The following CPEB3 variants were observed in gnomAD, a reference collection of about 807,000 sequenced individuals.
The protein encoded by CPEB3 is cytoplasmic polyadenylation element-binding protein 3.
Under a neutral mutation model 67.2 loss-of-function variants are expected in CPEB3, and 20 were observed. The ratio of observed to expected loss-of-function variants is 0.30; its 90% CI spans 0.21 to 0.43. The LOEUF (loss-of-function observed/expected upper bound fraction) is 0.43. Among genes scored for constraint, CPEB3 ranks in the 20% least tolerant of loss-of-function variants. The pLI is 1.00. For synonymous variants in CPEB3, 376 were observed against 393.1 expected (o/e 0.96, Z 0.51); for missense variants, 746 against 968.6 (o/e 0.77, Z 3.05).
chr10:92,211,235 T>G (rs936100791), intron 2 of CPEB3, among the ~76,000 whole-genome samples: 17 of 152,176 alleles, frequency 1.1e-4, no homozygotes, highest in Admixed American at 8.5e-4. Context: ...TTTAGAAAAT[T>G]TGATGAAACA....
chr10:92,179,748 C>T (rs1032707188), intron 4 of CPEB3, among the ~76,000 whole-genome samples: 1 of 152,212 alleles, frequency 6.6e-6, no homozygotes, highest in Non-Finnish European at 1.5e-5. Context: ...AGGCTTAGGA[C>T]CTGCATCATC....
intron 9 of CPEB3, among the ~76,000 whole-genome samples, chr10:92,072,435 G>C (rs1285147464): frequency 6.6e-6 from 1 of 152,144 alleles, no homozygotes; most frequent in South Asian, 2.1e-4. Flanking sequence ...GCCAGGCTCA[G>C]CAATAATACA....
intron 7 of CPEB3, among the ~76,000 whole-genome samples, chr10:92,103,874 C>G (rs1014542459): frequency 6.6e-6 from 1 of 152,168 alleles, no homozygotes; most frequent in African/African-American, 2.4e-5. Context: ...CTCCATGGTA[C>G]TAGGACAAGG....
chr10:92,246,580 C>T (rs1852079112), intron 1 of CPEB3, among the ~76,000 whole-genome samples: 1 of 150,950 alleles, frequency 6.6e-6, no homozygotes, highest in Non-Finnish European at 1.5e-5. Flanking sequence ...CAATCTCGGG[C>T]TCACTGCAAC....
rs188746025 is a variant in CPEB3, at chr10:92,102,094, C to A, written c.1572+8982G>T. ...TAATTTTGACCACATAGCTCCCTAA[C>A]AAATAGGTCAGCCAGTTTCAGGAGT... On this transcript the variant is annotated intron_variant, in intron 7 of 9. Coordinates refer to ENST00000265997, the MANE Select transcript of CPEB3 (RefSeq NM_014912.5). Among the ~76,000 whole-genome samples, 245 of 152,298 alleles carry A rather than the reference C, an allele frequency of 1.6e-3. 5 individuals are homozygous for A. The highest frequency in any genetic ancestry group is 0.015 in the Admixed American group (233 of 15,296).
intron 1 of CPEB3, among the ~76,000 whole-genome samples, chr10:92,284,789 T>C (rs1842455161): frequency 6.6e-6 from 1 of 152,170 alleles, no homozygotes; most frequent in Non-Finnish European, 1.5e-5. Context: ...AAAACTGTGC[T>C]TGTTTTTGCT....
chr10:92,080,647 G>A (rs1843112832), intron 9 of CPEB3, among the ~76,000 whole-genome samples: 1 of 151,860 alleles, frequency 6.6e-6, no homozygotes, highest in African/African-American at 2.4e-5. Context: ...AGGCTGGAGT[G>A]CAGTAGCACG....
intron 4 of CPEB3, among the ~76,000 whole-genome samples, chr10:92,174,246 A>T (rs1848128928): frequency 6.6e-6 from 1 of 152,176 alleles, no homozygotes; most frequent in Non-Finnish European, 1.5e-5. Context: ...AGAGGATAAA[A>T]GGGAGGGGGA....
intron 3 of CPEB3, among the ~76,000 whole-genome samples, chr10:92,183,949 A>T (rs1464361009): frequency 6.6e-6 from 1 of 152,166 alleles, no homozygotes; most frequent in Admixed American, 6.5e-5. Context: ...TGTTCCTATA[A>T]CTACTTAGTT....
At chr10:92,158,304 AC>A (rs1319200814) in intron 4 of CPEB3, among the ~76,000 whole-genome samples, 1 of 152,218 alleles carries the variant, frequency 6.6e-6, no homozygotes. Context: ...AGCCACTGGA[AC>A]AGATACAATG....
intron 4 of CPEB3, among the ~76,000 whole-genome samples, chr10:92,150,826 T>C (rs945654928): frequency 2.6e-5 from 4 of 152,142 alleles, no homozygotes; most frequent in Admixed American, 2.6e-4. Flanking sequence ...AAAAAATATA[T>C]TTCTATGTGA....
intron 2 of CPEB3, among the ~76,000 whole-genome samples, chr10:92,200,177 T>C (rs958201269): frequency 6.6e-6 from 1 of 152,208 alleles, no homozygotes; most frequent in African/African-American, 2.4e-5. Flanking sequence ...AATTTTAATA[T>C]TCTTTAAAAT....
chr10:92,258,766 T>C (rs1852656977), intron 1 of CPEB3, among the ~76,000 whole-genome samples: 1 of 150,498 alleles, frequency 6.6e-6, no homozygotes. Flanking sequence ...AAACAGAGTC[T>C]CTTGACTCAG....
At chr10:92,243,312 T>TG (rs1234017119) in intron 1 of CPEB3, 1 of 152,120 alleles carries the variant, frequency 6.6e-6, no homozygotes, top group Non-Finnish European at 1.5e-5. Context: ...CAGGGAACTG[T>TG]GGGGGCTGAA....
At chr10:92,181,928 T>G (rs1848479079) in intron 3 of CPEB3, among the ~76,000 whole-genome samples, 1 of 152,194 alleles carries the variant, frequency 6.6e-6, no homozygotes, top group Admixed American at 6.5e-5. Flanking sequence ...TTTTGTTATG[T>G]TTTCTTCATT....
intron 4 of CPEB3, among the ~76,000 whole-genome samples, chr10:92,156,746 C>A (rs1371877252): frequency 6.6e-6 from 1 of 151,810 alleles, no homozygotes; most frequent in Non-Finnish European, 1.5e-5. Flanking sequence ...ATATTTATTT[C>A]CAAGGATAGA....
chr10:92,269,422 G>T (rs1176345004), intron 1 of CPEB3, among the ~76,000 whole-genome samples: 2 of 152,014 alleles, frequency 1.3e-5, no homozygotes, highest in Admixed American at 1.3e-4. Flanking sequence ...ATTTCACCAT[G>T]AATATAGAGT....
At chr10:92,186,501 C>T (rs1848698930) in intron 3 of CPEB3, among the ~76,000 whole-genome samples, 1 of 149,866 alleles carries the variant, frequency 6.7e-6, no homozygotes, top group Admixed American at 6.7e-5. Context: ...GTGGCACAAT[C>T]TTGGCTCAAA....
chr10:92,179,232 G>A (rs746478028), intron 4 of CPEB3, among the ~76,000 whole-genome samples: 6 of 151,996 alleles, frequency 3.9e-5, no homozygotes, highest in African/African-American at 7.3e-5. Context: ...TGAACAAAAT[G>A]GAAAGAGCAT....
Sources: gnomAD v4.1 joint callset for allele counts (sites outside exome capture counted in the v4.1 genomes callset) on GRCh38, gnomAD v4.1.1 for gene constraint, MANE v1.5 for transcripts, NCBI Gene and HGNC (gene_info 2026-07-23, HGNC 2026-07-21) for gene names.